SIPA1L1: variants seen among roughly 807,000 people sequenced by gnomAD.
SIPA1L1 encodes the protein signal-induced proliferation-associated 1-like protein 1.
SIPA1L1 carries 26 observed loss-of-function variants against 162.7 expected under a neutral mutation model. The ratio of observed to expected loss-of-function variants is 0.16; its 90% confidence interval spans 0.12 to 0.22. SIPA1L1 has a LOEUF of 0.22. Among genes scored for constraint, SIPA1L1 ranks in the 10% least tolerant of loss-of-function variants. The pLI, the probability that SIPA1L1 is intolerant of heterozygous loss-of-function variation, is 1.00. For synonymous variants in SIPA1L1, 829 were observed against 837.4 expected (o/e 0.99, Z 0.17); for missense variants, 1,874 against 2,241.0 (o/e 0.84, Z 3.31).
At chr14:71,634,187 G>C (rs2040878130) in intron 7 of SIPA1L1, among the ~76,000 whole-genome samples, 1 of 151,532 alleles carries the variant, frequency 6.6e-6, no homozygotes, top group African/African-American at 2.4e-5. Context: ...GATCACCTGA[G>C]GTTGGGAGTT....
chr14:71,356,808 G>A (rs2037316056), intron 2 of SIPA1L1, among the ~76,000 whole-genome samples: 1 of 151,424 alleles, frequency 6.6e-6, no homozygotes, highest in Non-Finnish European at 1.5e-5. Flanking sequence ...TAAGCTAGCA[G>A]GGGTATGTTG....
At chr14:71,476,952 C>T (rs907182874) in intron 2 of SIPA1L1, among the ~76,000 whole-genome samples, 16 of 152,158 alleles carry the variant, frequency 1.1e-4, no homozygotes, top group Non-Finnish European at 2.2e-4. Flanking sequence ...TCTTCTACCT[C>T]GCTCAAAAAG....
chr14:71,552,336 ATTTTATGTTAGCTAAAATTTTAGG>A (rs1368993251), intron 4 of SIPA1L1, among the ~76,000 whole-genome samples: 1 of 151,890 alleles, frequency 6.6e-6, no homozygotes, highest in African/African-American at 2.4e-5. Flanking sequence ...GGTTATACTG[ATTTTATGTTAGCTAAAATTTTAGG>A]TTTATTTACA....
intron 2 of SIPA1L1, among the ~76,000 whole-genome samples, chr14:71,420,881 G>A (rs1055118343): frequency 1.1e-4 from 16 of 152,158 alleles, no homozygotes; most frequent in Non-Finnish European, 2.2e-4. Flanking sequence ...AGTCGTGTAA[G>A]CCCTAGTCCA....
intron 7 of SIPA1L1, among the ~76,000 whole-genome samples, chr14:71,632,541 A>AAT (rs2040684316): frequency 6.6e-6 from 1 of 152,210 alleles, no homozygotes; most frequent in African/African-American, 2.4e-5. Flanking sequence ...GAGGAACTGG[A>AAT]ACTTTCATCA....
intron 17 of SIPA1L1, among the ~76,000 whole-genome samples, chr14:71,710,107 C>T (rs996297993): frequency 3.3e-5 from 5 of 152,224 alleles, no homozygotes; most frequent in African/African-American, 9.6e-5. Context: ...ACGTCCTTTA[C>T]GTGCCTCTCA....
At chr14:71,492,091 G>A (rs1295646431) in intron 2 of SIPA1L1, among the ~76,000 whole-genome samples, 3 of 152,124 alleles carry the variant, frequency 2.0e-5, no homozygotes, top group African/African-American at 7.2e-5. Context: ...TTGACAACAA[G>A]GTCTTTGTTT....
At chr14:71,523,267 A>G (rs1419828632) in intron 3 of SIPA1L1, among the ~76,000 whole-genome samples, 1 of 151,780 alleles carries the variant, frequency 6.6e-6, no homozygotes. Flanking sequence ...GTCAGCTTTA[A>G]TATTTGGCAT....
chr14:71,693,653 A>C (rs148125984), intron 13 of SIPA1L1, among the ~76,000 whole-genome samples: 1 of 152,194 alleles, frequency 6.6e-6, no homozygotes. Flanking sequence ...AACTTGTTCA[A>C]ACTACTCCGG....
intron 5 of SIPA1L1, among the ~76,000 whole-genome samples, chr14:71,614,634 C>G (rs560368412): frequency 1.3e-5 from 2 of 152,210 alleles, no homozygotes; most frequent in South Asian, 4.2e-4. Context: ...AAAATATCTT[C>G]CTAGCGTTAT....
At chr14:71,663,800 C>T (rs1287085824) in intron 10 of SIPA1L1, among the ~76,000 whole-genome samples, 1 of 152,202 alleles carries the variant, frequency 6.6e-6, no homozygotes, top group Non-Finnish European at 1.5e-5. Flanking sequence ...CTGCTCAAGA[C>T]ATGTGGGCAG....
intron 2 of SIPA1L1, among the ~76,000 whole-genome samples, chr14:71,429,181 CATTTTTTCAAGATTA>C (rs1010146638): frequency 1.3e-5 from 2 of 152,104 alleles, no homozygotes; most frequent in African/African-American, 4.8e-5. Flanking sequence ...TTTTGTGGGA[CATTTTTTCAAGATTA>C]ATTTTTTAAT....
At chr14:71,569,515 T>C (rs1448496085) in intron 4 of SIPA1L1, among the ~76,000 whole-genome samples, 1 of 152,262 alleles carries the variant, frequency 6.6e-6, no homozygotes, top group Non-Finnish European at 1.5e-5. Flanking sequence ...GAACCATTCT[T>C]CTTCAGAGAC....
chr14:71,377,886 G>T lies in SIPA1L1; in HGVS notation c.-465+56705G>T, dbSNP rs1194855797. 1.3e-5 allele frequency among the ~76,000 whole-genome samples: 2 copies of T among 152,220 alleles called. No individual in the cohort carries two copies. The highest frequency in any genetic ancestry group is 2.4e-5 in the African/African-American group (1 of 41,458). On this transcript the variant is annotated intron_variant, in intron 2 of 23. Coordinates refer to ENST00000381232, the MANE Select transcript of SIPA1L1 (RefSeq NM_001386936.1). This position sits in a 1 kb window ranked among gnomAD's most constrained non-coding sequence, Gnocchi z 4.8. The stretch of plus-strand genomic sequence containing the variant: ...AGGCACTCGGCAGGCTGAGGCAGGA[G>T]AATCAGGCAGGGAGGTTGCAGTGAG...
At chr14:71,641,000 G>A (rs1208280621) in intron 7 of SIPA1L1, among the ~76,000 whole-genome samples, 2 of 152,136 alleles carry the variant, frequency 1.3e-5, no homozygotes, top group African/African-American at 2.4e-5. Flanking sequence ...GAACATACTG[G>A]ACACAGTAGG....
intron 3 of SIPA1L1, among the ~76,000 whole-genome samples, chr14:71,526,639 C>T (rs2052905614): frequency 6.6e-6 from 1 of 152,066 alleles, no homozygotes; most frequent in Non-Finnish European, 1.5e-5. Flanking sequence ...TGCTTTTGTA[C>T]TCCAAAGGCA....
At chr14:71,375,826 C>T (rs912980009) in intron 2 of SIPA1L1, among the ~76,000 whole-genome samples, 1 of 152,070 alleles carries the variant, frequency 6.6e-6, no homozygotes, top group Non-Finnish European at 1.5e-5. Flanking sequence ...TTAGACTGAT[C>T]CTGAGCATTT....
At chr14:71,687,809 G>T (rs1417046127) in intron 13 of SIPA1L1, among the ~76,000 whole-genome samples, 1 of 152,128 alleles carries the variant, frequency 6.6e-6, no homozygotes. Flanking sequence ...CCTTCTAGAA[G>T]ACCATTAGAG....
At chr14:71,674,368 T>A (rs1023073200) in intron 12 of SIPA1L1, among the ~76,000 whole-genome samples, 9 of 152,086 alleles carry the variant, frequency 5.9e-5, no homozygotes, top group Non-Finnish European at 1.0e-4. Context: ...TGATCCTGGA[T>A]AGATGGAGCC....
Sources: gnomAD v4.1 joint callset for allele counts (sites outside exome capture counted in the v4.1 genomes callset) on GRCh38, gnomAD v4.1.1 for gene constraint, Gnocchi (gnomAD v3.1) non-coding constraint, MANE v1.5 for transcripts, NCBI Gene and HGNC (gene_info 2026-07-23, HGNC 2026-07-21) for gene names.